Variants in ZNF398 observed in about 807,000 individuals in gnomAD.
ZNF398 encodes zinc finger DNA binding protein ZER6.
Under a neutral mutation model 41.9 loss-of-function variants are expected in ZNF398, and 18 were observed. The observed-to-expected ratio is 0.43, with a 90% CI of 0.30 to 0.64. The LOEUF (loss-of-function observed/expected upper bound fraction) is 0.64. Ranked by LOEUF, ZNF398 falls within the 30% of genes least tolerant of loss-of-function variation. The pLI, the probability that ZNF398 is intolerant of heterozygous loss-of-function variation, is 0.14. For synonymous variants in ZNF398, 260 were observed against 308.8 expected, an observed-to-expected ratio of 0.84 and a Z score of 1.66; for missense variants, 669 against 822.8, an observed-to-expected ratio of 0.81 and a Z score of 2.29.
chr7:149,126,846 G>T (rs1826490424), intron 1 of ZNF398, among the ~76,000 whole-genome samples: 1 of 152,176 alleles, frequency 6.6e-6, no homozygotes, highest in African/African-American at 2.4e-5. Flanking sequence ...CGTCGGGGAC[G>T]CGGAGGAGGG....
At position 149,182,186 on chromosome 7, in the gene ZNF398, G is replaced by A. The variant is rs764105708; in HGVS notation, c.*2385G>A. 2.0e-5 allele frequency: 3 copies of A among 152,198 alleles called. No individual in the cohort carries two copies. Among genetic ancestry groups the A allele is most frequent in the Non-Finnish European group, 4.4e-5 (3 of 68,030 alleles). 9.4% of individuals were successfully genotyped at this position (152,198 alleles called of 1,614,324 possible). On this transcript the variant is annotated 3_prime_UTR_variant, in exon 6 of 6. Transcript: ENST00000475153. ...TGAAAGGAACTGTGTAGCCAGCAGG[G>A]ACCTAAACTTTGGCAAAAAGTGAAC... is the stretch of plus-strand genomic sequence containing the variant.
chr7:149,138,664 C>CATAT (rs1402719904), intron 2 of ZNF398, among the ~76,000 whole-genome samples: 115 of 152,108 alleles, frequency 7.6e-4, no homozygotes, highest in African/African-American at 2.5e-3. Flanking sequence ...TGTGTGTATA[C>CATAT]ATATATATAT....
At chr7:149,169,007 G>T (rs184500792) in intron 4 of ZNF398, among the ~76,000 whole-genome samples, 2 of 152,230 alleles carry the variant, frequency 1.3e-5, no homozygotes, top group East Asian at 3.9e-4. Flanking sequence ...TTCTTATTGG[G>T]TATATTTCTT....
At chr7:149,166,076 A>G in intron 2 of ZNF398, 82 bp from the exon 3 acceptor site, 1 of 1,457,970 alleles carries the variant, frequency 6.9e-7, no homozygotes, top group Admixed American at 2.3e-5. Flanking sequence ...TGTAAAAAAA[A>G]TAAAAGGAAC....
chr7:149,153,324 G>T (rs1380742421), intron 1 of ZNF398, among the ~76,000 whole-genome samples: 2 of 152,120 alleles, frequency 1.3e-5, no homozygotes, highest in Non-Finnish European at 2.9e-5. Context: ...AGAAAAAAAT[G>T]TATTTATTGT....
intron 1 of ZNF398, among the ~76,000 whole-genome samples, chr7:149,127,419 C>G (rs1826504401): frequency 6.6e-6 from 1 of 151,492 alleles, no homozygotes; most frequent in South Asian, 2.1e-4. Context: ...TTAAAACTAA[C>G]GTTTCGGATG....
chr7:149,160,336 C>T (rs1244979269), intron 2 of ZNF398, among the ~76,000 whole-genome samples: 1 of 152,244 alleles, frequency 6.6e-6, no homozygotes, highest in Non-Finnish European at 1.5e-5. Context: ...GAGGCTGAGG[C>T]AGGAGAATGG....
chr7:149,139,833 G>A (rs1013912061), intron 2 of ZNF398, among the ~76,000 whole-genome samples: 4 of 150,950 alleles, frequency 2.6e-5, no homozygotes, highest in Non-Finnish European at 5.9e-5. Context: ...GTGAAACCCT[G>A]TCTCTACTAA....
Position 149,179,883 on chromosome 7 carries a change from A to C in ZNF398, c.*82A>C, listed in dbSNP as rs955205528. The C allele has an allele frequency of 7.4e-5, 94 of 1,263,992 alleles. No individual in the cohort carries two copies. The highest frequency in any genetic ancestry group is 9.9e-5 in the Non-Finnish European group (91 of 922,042). 78.3% of individuals were successfully genotyped at this position (1,263,992 alleles called of 1,614,324 possible). A position where few individuals can be genotyped will look rare whatever the true frequency, so the allele number is the denominator to read the frequency against. On this transcript the variant is annotated 3_prime_UTR_variant, in exon 6 of 6. Coordinates refer to ENST00000475153, the MANE Select transcript of ZNF398 (RefSeq NM_170686.3). The surrounding 1 kb of genome is among the most constrained non-coding windows in gnomAD (Gnocchi z 6.1). ...AGAGAAGGTCTGTGAGCCCCATCCAACACCCACAGTAATTATTATCTGGCA... is the reference window on the plus strand; with the variant it reads ...AGAGAAGGTCTGTGAGCCCCATCCACCACCCACAGTAATTATTATCTGGCA...
chr7:149,182,141 A>G lies in ZNF398; in HGVS notation c.*2340A>G, dbSNP rs549939550. 1.3e-5 allele frequency: 2 copies of G among 152,312 alleles called. No homozygotes were observed. Among genetic ancestry groups the G allele is most frequent in the South Asian group, 2.1e-4 (1 of 4,826 alleles). 9.4% of individuals were successfully genotyped at this position (152,312 alleles called of 1,614,324 possible). A position where few individuals can be genotyped will look rare whatever the true frequency, so the allele number is the denominator to read the frequency against. On this transcript the variant is annotated 3_prime_UTR_variant, in exon 6 of 6. Coordinates refer to ENST00000475153, the MANE Select transcript of ZNF398 (RefSeq NM_170686.3). ...GACCTGTGGATTGAAATGGCTGCAG[A>G]TAGATCCCGCAGTCCCTTCTGAAAG...
At chr7:149,150,909 C>T (rs193179382) in intron 1 of ZNF398, among the ~76,000 whole-genome samples, 2 of 152,264 alleles carry the variant, frequency 1.3e-5, no homozygotes, top group African/African-American at 4.8e-5. Flanking sequence ...AGGGTTTCAC[C>T]ATGCTGGTCA....
chr7:149,181,762 C>T lies in ZNF398; in HGVS notation c.*1961C>T, dbSNP rs554009940. ...ATAATACAGAACAAGACATGATGGG[C>T]AATACCCTAGCATATTGGGATTAAG... On this transcript the variant is annotated 3_prime_UTR_variant, in exon 6 of 6. Transcript: ENST00000475153. 6.6e-6 allele frequency: 1 copy of T among 152,318 alleles called. No homozygotes were observed. Among genetic ancestry groups the T allele is most frequent in the African/African-American group, 2.4e-5 (1 of 41,584 alleles). The allele number at this position is 152,318 out of a possible 1,614,324, so 9.4% of individuals were successfully genotyped here.
intron 2 of ZNF398, among the ~76,000 whole-genome samples, chr7:149,142,137 A>G (rs1009059964): frequency 6.6e-6 from 1 of 152,108 alleles, no homozygotes; most frequent in Admixed American, 6.6e-5. Flanking sequence ...GCTTGTAGAG[A>G]TAATTGCTAT....
At chr7:149,129,731 A>T (rs971019252) in intron 2 of ZNF398, among the ~76,000 whole-genome samples, 1 of 151,688 alleles carries the variant, frequency 6.6e-6, no homozygotes, top group African/African-American at 2.4e-5. Context: ...TGATATACTG[A>T]AGAGTATTTA....
intron 4 of ZNF398, 75 bp downstream of exon 4, chr7:149,167,005 C>T: frequency 1.0e-6 from 1 of 1,004,984 alleles, no homozygotes; most frequent in South Asian, 1.5e-5. Flanking sequence ...CTAAGCAGGG[C>T]TTAGGGGCTT....
At chr7:149,129,814 T>G (rs1826562377) in intron 2 of ZNF398, among the ~76,000 whole-genome samples, 1 of 152,188 alleles carries the variant, frequency 6.6e-6, no homozygotes, top group African/African-American at 2.4e-5. Flanking sequence ...TTTATTTATT[T>G]TTTGAGATGG....
chr7:149,168,848 C>G (rs979129429), intron 4 of ZNF398, among the ~76,000 whole-genome samples: 2 of 152,138 alleles, frequency 1.3e-5, no homozygotes, highest in African/African-American at 4.8e-5. Context: ...AGCCACCACG[C>G]CCGGCCATAT....
At chr7:149,151,333 C>A in intron 1 of ZNF398, 2 of 1,045,534 alleles carry the variant, frequency 1.9e-6, no homozygotes, top group South Asian at 2.1e-5. Context: ...CTGATGTGAT[C>A]AATTAGAGAA....
At chr7:149,150,176 A>G (rs1210775971) in intron 1 of ZNF398, among the ~76,000 whole-genome samples, 1 of 152,252 alleles carries the variant, frequency 6.6e-6, no homozygotes, top group Non-Finnish European at 1.5e-5. Flanking sequence ...ATGAAGAGAA[A>G]GTTGAATGAA....
Sources: gnomAD v4.1 joint callset for allele counts (sites outside exome capture counted in the v4.1 genomes callset) on GRCh38, gnomAD v4.1.1 for gene constraint, Gnocchi (gnomAD v3.1) non-coding constraint, MANE v1.5 for transcripts, NCBI Gene and HGNC (gene_info 2026-07-23, HGNC 2026-07-21) for gene names.